The following COG3 variants were observed in gnomAD, a reference collection of about 807,000 sequenced individuals.
COG3 encodes the protein conserved oligomeric Golgi complex subunit 3.
In COG3, 32 loss-of-function variants were observed where a neutral mutation model predicts 114.1. The ratio of observed to expected loss-of-function variants is 0.28; its 90% confidence interval spans 0.21 to 0.38. The LOEUF (loss-of-function observed/expected upper bound fraction) is 0.38, where lower values mean the gene tolerates loss of function less well. COG3 is among the 10% of genes least tolerant of loss of function. The pLI, the probability that COG3 is intolerant of heterozygous loss-of-function variation, is 1.00. For synonymous variants in COG3, 352 were observed against 365.7 expected (o/e 0.96, Z 0.43); for missense variants, 813 against 973.2 (o/e 0.84, Z 2.19).
At chr13:45,492,303 C>A in intron 11 of COG3, 53 bp downstream of exon 11, 1 of 1,002,182 alleles carries the variant, frequency 1.0e-6, no homozygotes, top group South Asian at 1.4e-5. Context: ...TTGCTAATGA[C>A]CATAATGAAT....
At position 45,503,229 on chromosome 13, in the gene COG3, G is replaced by T; in HGVS notation, c.1489-15G>T. On this transcript the variant is annotated splice_polypyrimidine_tract_variant and intron_variant, in intron 13 of 22. Coordinates refer to ENST00000349995, the MANE Select transcript of COG3 (RefSeq NM_031431.4). ...TGCTGAAAACGGTAACATTCCTTCT[G>T]ATTTCTTTATACAGCAGATTGCACA... 7.5e-7 allele frequency: 1 copy of T among 1,331,944 alleles called. No homozygotes were observed. Among genetic ancestry groups the T allele is most frequent in the South Asian group, 1.2e-5 (1 of 84,866 alleles). 82.5% of individuals were successfully genotyped at this position (1,331,944 alleles called of 1,614,324 possible).
chr13:45,486,404 C>G lies in COG3; in HGVS notation c.844-91C>G. 4 of 772,776 alleles carry G rather than the reference C, an allele frequency of 5.2e-6. No individual in the cohort carries two copies. The Admixed American group carries it at 7.0e-5, about 14-fold the overall frequency. The allele number at this position is 772,776 out of a possible 1,614,324, so 47.9% of individuals were successfully genotyped here. ...AGCTTTGATTGGTATGCAGGCCAAG[C>G]AGTAGCCATAGGAAATGGTTGCTGT... On this transcript the variant is annotated intron_variant, in intron 7 of 22. Coordinates refer to ENST00000349995, the MANE Select transcript of COG3 (RefSeq NM_031431.4).
intron 15 of COG3, among the ~76,000 whole-genome samples, chr13:45,510,937 C>G (rs1870789845): frequency 6.6e-6 from 1 of 152,160 alleles, no homozygotes; most frequent in Admixed American, 6.5e-5. Context: ...AACCACAGAA[C>G]AGGGAGAAGC....
At chr13:45,486,338 AC>A (rs113621277) in intron 7 of COG3, among the ~76,000 whole-genome samples, 156 bp from the exon 8 acceptor site, 30,638 of 69,776 alleles carry the variant, frequency 0.44, 6,245 homozygotes, top group Admixed American at 0.56. Context: ...GAGACGGGAG[AC>A]GGGAGAGGGA....
At chr13:45,486,266 G>C (rs1268993065) in intron 7 of COG3, among the ~76,000 whole-genome samples, 1 of 143,810 alleles carries the variant, frequency 7.0e-6, no homozygotes, top group Non-Finnish European at 1.5e-5. Flanking sequence ...GTCCAGCTTC[G>C]GCTCGGCATG....
intron 14 of COG3, among the ~76,000 whole-genome samples, chr13:45,507,241 C>T (rs1008764166): frequency 1.3e-5 from 2 of 152,152 alleles, no homozygotes; most frequent in Non-Finnish European, 2.9e-5. Context: ...CCTGCACATA[C>T]CATATTCCTA....
Position 45,465,485 on chromosome 13 carries a change from G to C in COG3, c.174+275G>C, listed in dbSNP as rs1885081641. ...AGTCCTCCCCCAGCAGCATGGGACG[G>C]TTGGCCCGGAGCCTTGCACCGAACG... On this transcript the variant is annotated intron_variant, in intron 1 of 22. Transcript: ENST00000349995. The C allele has an allele frequency of 1.5e-5, 7 of 458,590 alleles. No homozygotes were observed. The Admixed American group carries it at 1.6e-4, about 11-fold the overall frequency. The allele number at this position is 458,590 out of a possible 1,614,324, so 28.4% of individuals were successfully genotyped here.
At chr13:45,516,334 G>T in intron 17 of COG3, 71 bp downstream of exon 17, 1 of 1,311,866 alleles carries the variant, frequency 7.6e-7, no homozygotes, top group African/African-American at 1.5e-5. Flanking sequence ...CAGGTTTTAG[G>T]TTTATTTTAT....
chr13:45,478,982 A>G lies in COG3; in HGVS notation c.322-23A>G, dbSNP rs200218775. 3.2e-6 allele frequency: 5 copies of G among 1,584,058 alleles called. No homozygotes were observed. In the East Asian group the frequency reaches 9.0e-5, roughly 28 times the overall value. ...TTTTGTCAGTTTTAGTTTTGTTCACAATATAATACTCTGTTTTTCCAGTTT... is the reference window on the plus strand; with the variant it reads ...TTTTGTCAGTTTTAGTTTTGTTCACGATATAATACTCTGTTTTTCCAGTTT... On this transcript the variant is annotated intron_variant, in intron 2 of 22. Transcript: ENST00000349995.
chr13:45,480,612 C>A (rs1886190957), intron 4 of COG3, among the ~76,000 whole-genome samples: 1 of 152,156 alleles, frequency 6.6e-6, no homozygotes, highest in Non-Finnish European at 1.5e-5. Flanking sequence ...GTTGCCCAGG[C>A]TGGAGTGCAA....
chr13:45,504,305 C>T (rs887001442), intron 14 of COG3, among the ~76,000 whole-genome samples: 7 of 152,204 alleles, frequency 4.6e-5, no homozygotes, highest in Non-Finnish European at 1.0e-4. Flanking sequence ...CATGCTCGCC[C>T]TATAGGAGGG....
intron 1 of COG3, among the ~76,000 whole-genome samples, chr13:45,474,716 A>G (rs1325624480): frequency 6.6e-6 from 1 of 152,228 alleles, no homozygotes; most frequent in African/African-American, 2.4e-5. Flanking sequence ...TGCATTTTGC[A>G]TCTAGCTTAT....
chr13:45,511,456 G>A (rs1201293980), intron 15 of COG3, among the ~76,000 whole-genome samples: 1 of 152,242 alleles, frequency 6.6e-6, no homozygotes, highest in African/African-American at 2.4e-5. Flanking sequence ...TCTTGTTGGA[G>A]CGAAGGCTCC....
chr13:45,467,136 T>G (rs1367205388), intron 1 of COG3, among the ~76,000 whole-genome samples: 3 of 152,200 alleles, frequency 2.0e-5, no homozygotes, highest in Admixed American at 1.3e-4. Flanking sequence ...TGAGAACTGA[T>G]GATGGACTAC....
intron 14 of COG3, among the ~76,000 whole-genome samples, chr13:45,508,068 TAAAAAAAAAAAAAAAAAAA>T (rs10571583): frequency 1.2e-4 from 4 of 32,258 alleles, no homozygotes; most frequent in East Asian, 1.4e-3. Context: ...AGGTCCAACC[TAAAAAAAAAAAAAAAAAAA>T]AAAAAAAAAA....
intron 16 of COG3, among the ~76,000 whole-genome samples, chr13:45,514,280 C>T (rs562056595): frequency 6.7e-6 from 1 of 149,038 alleles, no homozygotes; most frequent in Non-Finnish European, 1.5e-5. Context: ...TGTGCCTTAG[C>T]CACCCAAGTA....
In COG3 at chr13:45,512,655, T is replaced by A. The variant is rs546548947; in HGVS notation, c.1809+801T>A. Among the ~76,000 whole-genome samples, 3 of 150,012 alleles carry A rather than the reference T, an allele frequency of 2.0e-5. No individual in the cohort carries two copies. In the East Asian group the frequency reaches 5.9e-4, roughly 29 times the overall value. On this transcript the variant is annotated intron_variant, in intron 16 of 22. Transcript: ENST00000349995. ...GCCTTTTTTTTTTTCTGAGAGAGGG[T>A]CTTACTCTGTCACCTAAGCTGGAGT...
In COG3 at chr13:45,480,221, A is replaced by G. The variant is rs766461048; in HGVS notation, c.480A>G (p.Lys160=). 1.2e-6 allele frequency: 2 copies of G among 1,613,928 alleles called. No individual in the cohort carries two copies. The highest frequency in any genetic ancestry group is 1.7e-6 in the Non-Finnish European group (2 of 1,179,830). ...SALQHLESLQ[K]QYLFVSNKTG... is the part of the protein sequence containing the mutation. The stretch of plus-strand genomic sequence containing the variant: ...TTCAGCATCTGGAGTCTTTGCAGAA[A>G]CAGTATCTTTTTGTGTCCAATAAGA... The change falls in exon 4 of 23, where the codon AAA becomes AAG. Residue 160 remains lysine, a synonymous_variant. Coordinates refer to ENST00000349995, the MANE Select transcript of COG3 (RefSeq NM_031431.4).
Position 45,464,984 on chromosome 13 carries a change from C to G in COG3, c.-53C>G, listed in dbSNP as rs919760306. On this transcript the variant is annotated 5_prime_UTR_variant, in exon 1 of 23. Transcript: ENST00000349995. ...TCTCCCGGAAGTGGCCCAGGTCTCT[C>G]TGTCGGGGTCCCCTCCATCTCGCTG... 6.5e-7 allele frequency: 1 copy of G among 1,527,312 alleles called. No homozygotes were observed. Among genetic ancestry groups the G allele is most frequent in the African/African-American group, 1.4e-5 (1 of 72,576 alleles). 94.6% of individuals were successfully genotyped at this position (1,527,312 alleles called of 1,614,324 possible).
Sources: gnomAD v4.1 joint callset for allele counts (sites outside exome capture counted in the v4.1 genomes callset) on GRCh38, gnomAD v4.1.1 for gene constraint, MANE v1.5 for transcripts, NCBI Gene and HGNC (gene_info 2026-07-23, HGNC 2026-07-21) for gene names.